SLC35F6: variants seen among roughly 807,000 people sequenced by gnomAD.
The protein encoded by SLC35F6 is solute carrier family 35 member F6.
SLC35F6 carries 26 observed loss-of-function variants against 29.4 expected under a neutral mutation model. The ratio of observed to expected loss-of-function variants is 0.89; its 90% confidence interval spans 0.65 to 1.23. The LOEUF is 1.23. Among genes scored for constraint, SLC35F6 ranks in the 50% most tolerant of loss-of-function variants. The pLI, the probability that SLC35F6 is intolerant of heterozygous loss-of-function variation, is 0.00. For missense variants in SLC35F6, 428 were observed against 487.8 expected, an observed-to-expected ratio of 0.88 and a Z score of 1.15; for synonymous variants, 174 against 206.6, an observed-to-expected ratio of 0.84 and a Z score of 1.35.
Position 26,774,146 on chromosome 2 carries a change from C to T in SLC35F6, c.78-105C>T, listed in dbSNP as rs573394621. 1.5e-5 allele frequency: 21 copies of T among 1,358,478 alleles called. No homozygotes were observed. The East Asian group carries it at 3.0e-4, about 20-fold the overall frequency. The allele number at this position is 1,358,478 out of a possible 1,614,324, so 84.2% of individuals were successfully genotyped here. Reference sequence around the variant, plus strand: ...TTGAGAGGGAGCCCCACTCTGGGGCCGGGTCACCCAGGTCTGGGCCTCTTG... The same window carrying T: ...TTGAGAGGGAGCCCCACTCTGGGGCTGGGTCACCCAGGTCTGGGCCTCTTG... On this transcript the variant is annotated intron_variant, in intron 1 of 5. Transcript: ENST00000344420.
chr2:26,770,338 C>T (rs1327087304), intron 1 of SLC35F6, among the ~76,000 whole-genome samples: 1 of 152,098 alleles, frequency 6.6e-6, no homozygotes, highest in African/African-American at 2.4e-5. Context: ...CCTTGGGAGG[C>T]TGAGGCTGTA....
chr2:26,774,470 C>A, intron 2 of SLC35F6, 147 bp downstream of exon 2: 1 of 879,456 alleles, frequency 1.1e-6, no homozygotes, highest in Non-Finnish European at 1.7e-6. Flanking sequence ...TTTCCCTCCC[C>A]AGAGCAGAAT....
Position 26,775,461 on chromosome 2 carries a change from T to C in SLC35F6, c.323-3T>C, listed in dbSNP as rs771653154. ...TAACTGTAATTTGTTTCTCCTTTCC[T>C]AGCTCTGAACATGACCAGTGCCTCC... is the stretch of plus-strand genomic sequence containing the variant. On this transcript the variant is annotated splice_region_variant and splice_polypyrimidine_tract_variant and intron_variant, in intron 3 of 5. Coordinates refer to ENST00000344420, the MANE Select transcript of SLC35F6 (RefSeq NM_017877.4). The surrounding 1 kb of genome is among the most constrained non-coding windows in gnomAD (Gnocchi z 4.6). The C allele has an allele frequency of 6.2e-7, 1 of 1,611,582 alleles. No individual in the cohort carries two copies.
chr2:26,772,559 G>A (rs2148057058), intron 1 of SLC35F6, among the ~76,000 whole-genome samples: 1 of 152,276 alleles, frequency 6.6e-6, no homozygotes, highest in South Asian at 2.1e-4. Flanking sequence ...GTCAACATGA[G>A]GGAGGGCCAC....
chr2:26,768,614 C>T (rs975790225), intron 1 of SLC35F6, among the ~76,000 whole-genome samples: 1 of 151,558 alleles, frequency 6.6e-6, no homozygotes, highest in Non-Finnish European at 1.5e-5. Context: ...ATCTCGGCCT[C>T]CCAAAGTGCT....
chr2:26,772,221 T>A (rs889437462), intron 1 of SLC35F6, among the ~76,000 whole-genome samples: 1 of 152,094 alleles, frequency 6.6e-6, no homozygotes, highest in African/African-American at 2.4e-5. Context: ...GCACAACCAG[T>A]GGCACATGCT....
rs954275331 is a variant in SLC35F6, at chr2:26,780,397, C to T, written c.*1886C>T. On this transcript the variant is annotated 3_prime_UTR_variant, in exon 6 of 6. Coordinates refer to ENST00000344420, the MANE Select transcript of SLC35F6 (RefSeq NM_017877.4). ...GAGCACATCTGGATCTCAGCCCCAC[C>T]CCTGGCAACCTGCCTGCCTAGAGAA... 2.6e-5 allele frequency: 4 copies of T among 152,158 alleles called. No individual in the cohort carries two copies. The highest frequency in any genetic ancestry group is 1.3e-4 in the Admixed American group (2 of 15,278). The allele number at this position is 152,158 out of a possible 1,614,324, so 9.4% of individuals were successfully genotyped here. A position where few individuals can be genotyped will look rare whatever the true frequency, so the allele number is the denominator to read the frequency against.
At position 26,780,659 on chromosome 2, in the gene SLC35F6, G is replaced by A. The variant is rs1201046777; in HGVS notation, c.*2148G>A. The A allele has an allele frequency of 6.6e-6, 1 of 152,140 alleles. No individual in the cohort carries two copies. The highest frequency in any genetic ancestry group is 1.5e-5 in the Non-Finnish European group (1 of 68,064). 9.4% of individuals were successfully genotyped at this position (152,140 alleles called of 1,614,324 possible). ...CCCCACCTCCCATGCAGGTCTCTGT[G>A]GGGTCTTTGGGATGGATCTCCTAGG... On this transcript the variant is annotated 3_prime_UTR_variant, in exon 6 of 6. Coordinates refer to ENST00000344420, the MANE Select transcript of SLC35F6 (RefSeq NM_017877.4).
intron 1 of SLC35F6, among the ~76,000 whole-genome samples, chr2:26,772,538 G>A (rs1329887751): frequency 3.9e-5 from 6 of 152,150 alleles, no homozygotes; most frequent in Non-Finnish European, 7.3e-5. Flanking sequence ...CTGTGTCAAC[G>A]AACCCAGGGT....
At chr2:26,771,673 C>T (rs1664198456) in intron 1 of SLC35F6, among the ~76,000 whole-genome samples, 1 of 152,164 alleles carries the variant, frequency 6.6e-6, no homozygotes, top group South Asian at 2.1e-4. Flanking sequence ...GCATATCAGG[C>T]AGAAATTAGG....
At chr2:26,769,428 GC>G (rs1221051717) in intron 1 of SLC35F6, among the ~76,000 whole-genome samples, 1 of 152,250 alleles carries the variant, frequency 6.6e-6, no homozygotes, top group African/African-American at 2.4e-5. Context: ...CTACTGGGCT[GC>G]CCCTCTCCTC....
Position 26,764,379 on chromosome 2 carries a change from G to A in SLC35F6, c.30G>A (p.Leu10=). 6.4e-7 allele frequency: 1 copy of A among 1,551,032 alleles called. No homozygotes were observed. The highest frequency in any genetic ancestry group is 8.7e-7 in the Non-Finnish European group (1 of 1,146,852). MAWTKYQLF[L]AGLMLVTGSI... is the part of the protein sequence containing the mutation. ...CCTGGACCAAGTACCAGCTGTTCCTGGCCGGGCTCATGCTTGTTACCGGCT... is the reference window on the plus strand; with the variant it reads ...CCTGGACCAAGTACCAGCTGTTCCTAGCCGGGCTCATGCTTGTTACCGGCT... The change falls in exon 1 of 6, where the codon CTG becomes CTA. Residue 10 remains leucine, a synonymous_variant. Transcript: ENST00000344420.
At chr2:26,765,099 A>G in intron 1 of SLC35F6, 3 of 776,410 alleles carry the variant, frequency 3.9e-6, no homozygotes, top group Non-Finnish European at 4.7e-6. Context: ...GGTTTGGTGC[A>G]GGAAAAACCA....
At chr2:26,764,561 C>T (rs1169709424) in intron 1 of SLC35F6, 135 bp downstream of exon 1, 2 of 1,187,060 alleles carry the variant, frequency 1.7e-6, no homozygotes, top group African/African-American at 1.5e-5. Context: ...CGCGTTATGA[C>T]CACCCAAGGG....
Position 26,764,369 on chromosome 2 carries a change from A to C in SLC35F6, c.20A>C (p.Gln7Pro). MAWTKY[Q>P]LFLAGLMLVT... ...GCCGACATGGCCTGGACCAAGTACC[A>C]GCTGTTCCTGGCCGGGCTCATGCTT... Residue 7 changes from glutamine (Q) to proline (P), a missense_variant, in exon 1 of 6, where the codon CAG becomes CCG. Physicochemically the swap from Gln to Pro is moderately conservative, Grantham distance 76. Coordinates refer to ENST00000344420, the MANE Select transcript of SLC35F6 (RefSeq NM_017877.4). 6.4e-7 allele frequency: 1 copy of C among 1,550,950 alleles called. No homozygotes were observed. The highest frequency in any genetic ancestry group is 8.7e-7 in the Non-Finnish European group (1 of 1,146,838).
intron 1 of SLC35F6, among the ~76,000 whole-genome samples, chr2:26,765,783 A>C (rs1201110868): frequency 6.6e-6 from 1 of 152,144 alleles, no homozygotes; most frequent in Non-Finnish European, 1.5e-5. Context: ...CCTCCTGAGG[A>C]TCACTCCTCA....
rs1001529418 is a variant in SLC35F6 at position 26,775,324 on chromosome 2, C to T, written c.322+109C>T. ...CCTCCACTTCATCCCACCATTCCCCCAGACTTCACACGCACAGGCACACAG... is the reference window on the plus strand; with the variant it reads ...CCTCCACTTCATCCCACCATTCCCCTAGACTTCACACGCACAGGCACACAG... On this transcript the variant is annotated intron_variant, in intron 3 of 5. Coordinates refer to ENST00000344420, the MANE Select transcript of SLC35F6 (RefSeq NM_017877.4). The surrounding 1 kb of genome is among the most constrained non-coding windows in gnomAD (Gnocchi z 4.6). 7.9e-6 allele frequency: 12 copies of T among 1,525,900 alleles called. No homozygotes were observed. The highest frequency in any genetic ancestry group is 9.7e-6 in the Non-Finnish European group (11 of 1,131,376). The allele number at this position is 1,525,900 out of a possible 1,614,324, so 94.5% of individuals were successfully genotyped here.
At chr2:26,768,024 C>T (rs1664127326) in intron 1 of SLC35F6, among the ~76,000 whole-genome samples, 1 of 152,204 alleles carries the variant, frequency 6.6e-6, no homozygotes, top group South Asian at 2.1e-4. Flanking sequence ...GGCAGGAAGC[C>T]TGGAAACCAC....
At chr2:26,765,334 AG>A (rs1664078285) in intron 1 of SLC35F6, among the ~76,000 whole-genome samples, 1 of 146,290 alleles carries the variant, frequency 6.8e-6, no homozygotes, top group Non-Finnish European at 1.5e-5. Flanking sequence ...TGGGGGTGAG[AG>A]GGGGGACAGT....
Sources: allele counts gnomAD v4.1 joint callset (sites outside exome capture counted in the v4.1 genomes callset), GRCh38; gene constraint gnomAD v4.1.1; non-coding constraint Gnocchi (gnomAD v3.1); transcripts MANE v1.5; gene names NCBI Gene and HGNC (gene_info 2026-07-23, HGNC 2026-07-21).